Variants in BCAS3 observed in about 807,000 individuals in gnomAD.
The protein encoded by BCAS3 is BCAS3 microtubule associated cell migration factor, also known as BCAS4/BCAS3 fusion.
Under a neutral mutation model 116.1 loss-of-function variants are expected in BCAS3, and 53 were observed. The ratio of observed to expected loss-of-function variants is 0.46; its 90% confidence interval spans 0.37 to 0.57. The LOEUF (loss-of-function observed/expected upper bound fraction) is 0.57. Ranked by LOEUF, BCAS3 falls within the 20% of genes least tolerant of loss-of-function variation. The pLI, the probability that BCAS3 is intolerant of heterozygous loss-of-function variation, is 0.00. For missense variants in BCAS3, 917 were observed against 1,165.4 expected (o/e 0.79, Z 3.10); for synonymous variants, 391 against 408.2 (o/e 0.96, Z 0.51).
At position 61,343,714 on chromosome 17, in the gene BCAS3, A is replaced by G. The variant is rs2057330366; in HGVS notation, c.2426-24613A>G. Among the ~76,000 whole-genome samples the G allele has an allele frequency of 6.6e-6, 1 of 152,150 alleles. No homozygotes were observed. Among genetic ancestry groups the G allele is most frequent in the Non-Finnish European group, 1.5e-5 (1 of 68,026 alleles). ...TCTCCTGTCAGATTCCCTTTCCAATATTATCCTCCAGGAACTTGTGATTAT... is the reference window on the plus strand; with the variant it reads ...TCTCCTGTCAGATTCCCTTTCCAATGTTATCCTCCAGGAACTTGTGATTAT... On this transcript the variant is annotated intron_variant, in intron 22 of 23. Coordinates refer to ENST00000407086, the MANE Select transcript of BCAS3 (RefSeq NM_017679.5). This position sits in a 1 kb window ranked among gnomAD's most constrained non-coding sequence, Gnocchi z 5.5.
At chr17:60,862,361 T>G (rs541652707) in intron 7 of BCAS3, among the ~76,000 whole-genome samples, 1 of 152,264 alleles carries the variant, frequency 6.6e-6, no homozygotes, top group African/African-American at 2.4e-5. Flanking sequence ...CTCGACTTTT[T>G]ATAATAATTT....
At chr17:60,991,562 G>C (rs909556105) in intron 15 of BCAS3, among the ~76,000 whole-genome samples, 2 of 152,140 alleles carry the variant, frequency 1.3e-5, no homozygotes, top group African/African-American at 4.8e-5. Flanking sequence ...GACCATTTTA[G>C]GTTTTCAAGA....
chr17:61,055,107 C>T (rs1037816164), intron 19 of BCAS3, among the ~76,000 whole-genome samples: 2 of 152,090 alleles, frequency 1.3e-5, no homozygotes, highest in African/African-American at 2.4e-5. Flanking sequence ...ATATGTTTGC[C>T]CTTTTCTTCA....
In BCAS3 at chr17:61,208,419, G is replaced by A. The variant is rs189377914; in HGVS notation, c.2425+123855G>A. 2.0e-4 allele frequency among the ~76,000 whole-genome samples: 30 copies of A among 152,210 alleles called. No individual in the cohort carries two copies. In the East Asian group the frequency reaches 4.6e-3, roughly 23 times the overall value. On this transcript the variant is annotated intron_variant, in intron 22 of 23. Coordinates refer to ENST00000407086, the MANE Select transcript of BCAS3 (RefSeq NM_017679.5). This position sits in a 1 kb window ranked among gnomAD's most constrained non-coding sequence, Gnocchi z 4.5. ...TATTAATGATTAATCTTGAAGCACC[G>A]AAGAAATGAAATGTGCTAGTAAGTG...
At chr17:61,061,218 C>T (rs2069994414) in intron 19 of BCAS3, among the ~76,000 whole-genome samples, 2 of 152,120 alleles carry the variant, frequency 1.3e-5, no homozygotes, top group Non-Finnish European at 2.9e-5. Flanking sequence ...AACTTTGCCT[C>T]TTTTGCTTAG....
intron 5 of BCAS3, among the ~76,000 whole-genome samples, chr17:60,724,059 A>T (rs1466971287): frequency 6.6e-6 from 1 of 151,820 alleles, no homozygotes; most frequent in Admixed American, 6.6e-5. Context: ...TGATGAAAAA[A>T]ATCTGGTTCC....
At chr17:60,926,161 T>C (rs2059358054) in intron 13 of BCAS3, among the ~76,000 whole-genome samples, 1 of 152,158 alleles carries the variant, frequency 6.6e-6, no homozygotes, top group Admixed American at 6.5e-5. Flanking sequence ...AGGATTTTGG[T>C]TTTTCAGATT....
chr17:60,773,473 TG>T (rs2044953478), intron 6 of BCAS3, among the ~76,000 whole-genome samples: 1 of 151,844 alleles, frequency 6.6e-6, no homozygotes, highest in Non-Finnish European at 1.5e-5. Context: ...TTGTATTTTT[TG>T]TAGAGATGGG....
intron 15 of BCAS3, among the ~76,000 whole-genome samples, chr17:60,999,933 C>T (rs111466710): frequency 5.3e-5 from 8 of 151,834 alleles, no homozygotes; most frequent in African/African-American, 1.2e-4. Flanking sequence ...AAAGGGATTG[C>T]GTTCTTTATT....
intron 7 of BCAS3, among the ~76,000 whole-genome samples, chr17:60,824,291 C>T (rs987766913): frequency 3.3e-5 from 5 of 152,064 alleles, no homozygotes; most frequent in Admixed American, 1.3e-4. Context: ...TGTGGGATTT[C>T]GGGAAGATAT....
chr17:60,867,251 G>T (rs139223456), intron 7 of BCAS3, among the ~76,000 whole-genome samples: 2,836 of 151,864 alleles, frequency 0.019, 105 homozygotes, highest in African/African-American at 0.065. Flanking sequence ...GATTACAGGT[G>T]CTTGACACCA....
rs939164625 is a variant in BCAS3, at chr17:60,727,542, C to G, written c.321+18217C>G. The G allele has an allele frequency of 2.4e-6, 3 of 1,243,654 alleles. No homozygotes were observed. In the African/African-American group the frequency reaches 4.6e-5, roughly 19 times the overall value. The allele number at this position is 1,243,654 out of a possible 1,614,324, so 77.0% of individuals were successfully genotyped here. A position where few individuals can be genotyped will look rare whatever the true frequency, so the allele number is the denominator to read the frequency against. ...AACGAGAAATGGCATCTGAGACTCT[C>G]GCCTCGCAAAGCTCTCGCCTGACAG... On this transcript the variant is annotated intron_variant, in intron 5 of 23. Coordinates refer to ENST00000407086, the MANE Select transcript of BCAS3 (RefSeq NM_017679.5).
At chr17:60,802,375 T>C (rs905650336) in intron 6 of BCAS3, among the ~76,000 whole-genome samples, 16 of 147,254 alleles carry the variant, frequency 1.1e-4, no homozygotes, top group South Asian at 6.3e-4. Flanking sequence ...TACATACATA[T>C]ATATATATAT....
intron 10 of BCAS3, among the ~76,000 whole-genome samples, chr17:60,891,015 A>G (rs1221401603): frequency 6.6e-6 from 1 of 152,224 alleles, no homozygotes; most frequent in East Asian, 1.9e-4. Flanking sequence ...TAGATATGTT[A>G]CATCTTCCTG....
intron 22 of BCAS3, among the ~76,000 whole-genome samples, chr17:61,252,119 C>T (rs1173212539): frequency 6.6e-6 from 1 of 152,178 alleles, no homozygotes; most frequent in Admixed American, 6.5e-5. Context: ...AACTATAAAA[C>T]ATTTTCTTTT....
intron 16 of BCAS3, among the ~76,000 whole-genome samples, chr17:61,030,856 T>TG (rs1406100315): frequency 3.9e-5 from 6 of 152,024 alleles, no homozygotes; most frequent in Non-Finnish European, 8.8e-5. Flanking sequence ...TTATTGAACA[T>TG]GGGGTTATGT....
intron 7 of BCAS3, among the ~76,000 whole-genome samples, chr17:60,867,081 G>A (rs1173130902): frequency 2.0e-5 from 3 of 149,836 alleles, no homozygotes; most frequent in African/African-American, 7.4e-5. Flanking sequence ...TTTAGGCCAT[G>A]TTATTTTCTT....
Position 61,376,380 on chromosome 17 carries a change from C to T in BCAS3, c.2593+7886C>T, listed in dbSNP as rs2059341499. ...GGTCACATTCCCTGCTTCCCTACCA[C>T]ACACAACCACCAAGCTGCTTTGATC... On this transcript the variant is annotated intron_variant, in intron 23 of 23. Coordinates refer to ENST00000407086, the MANE Select transcript of BCAS3 (RefSeq NM_017679.5). This position sits in a 1 kb window ranked among gnomAD's most constrained non-coding sequence, Gnocchi z 4.5. 6.6e-6 allele frequency among the ~76,000 whole-genome samples: 1 copy of T among 152,192 alleles called. No individual in the cohort carries two copies. The highest frequency in any genetic ancestry group is 6.5e-5 in the Admixed American group (1 of 15,282).
chr17:60,964,082 G>A lies in BCAS3; in HGVS notation c.1221+16730G>A, dbSNP rs186830030. Among the ~76,000 whole-genome samples the A allele has an allele frequency of 2.4e-4, 36 of 152,212 alleles. No individual in the cohort carries two copies. The highest frequency in any genetic ancestry group is 6.5e-4 in the African/African-American group (27 of 41,538). ...ACTGGCAGTATTATGTTGAGTAACC[G>A]TAGTGAGAGTGGACATACTCGTCTT... On this transcript the variant is annotated intron_variant, in intron 14 of 23. Coordinates refer to ENST00000407086, the MANE Select transcript of BCAS3 (RefSeq NM_017679.5). The surrounding 1 kb of genome is among the most constrained non-coding windows in gnomAD (Gnocchi z 4.6).
Sources: allele counts gnomAD v4.1 joint callset (sites outside exome capture counted in the v4.1 genomes callset), GRCh38; gene constraint gnomAD v4.1.1; non-coding constraint Gnocchi (gnomAD v3.1); transcripts MANE v1.5; gene names NCBI Gene and HGNC (gene_info 2026-07-23, HGNC 2026-07-21).